SNRK: variants seen among roughly 807,000 people sequenced by gnomAD.
SNRK encodes SNF related kinase.
A neutral mutation model predicts 48.2 loss-of-function variants in SNRK; 3 were observed. The observed-to-expected ratio is 0.06, with a 90% CI of 0.03 to 0.16. SNRK has a LOEUF of 0.16. Among genes scored for constraint, SNRK ranks in the 10% least tolerant of loss-of-function variants. SNRK has a pLI of 1.00. For missense variants in SNRK, 627 were observed against 976.0 expected, an observed-to-expected ratio of 0.64 and a Z score of 4.76; for synonymous variants, 376 against 366.1, an observed-to-expected ratio of 1.03 and a Z score of -0.31.
chr3:43,288,885 G>T lies in SNRK; in HGVS notation c.-169+2210G>T, dbSNP rs185936587. Among the ~76,000 whole-genome samples the T allele has an allele frequency of 2.5e-4, 38 of 152,340 alleles. 1 individual carries two copies. Among genetic ancestry groups the T allele is most frequent in the Non-Finnish European group, 2.9e-5 (2 of 68,022 alleles). ...ATTCAGAATTTAGGTATTTCCCAGT[G>T]TGTATCTATGTGCAGGTAAACTTAG... On this transcript the variant is annotated intron_variant, in intron 1 of 6. Transcript: ENST00000296088.
At chr3:43,306,701 A>G (rs946934901) in intron 3 of SNRK, among the ~76,000 whole-genome samples, 3 of 152,184 alleles carry the variant, frequency 2.0e-5, no homozygotes, top group Non-Finnish European at 4.4e-5. Flanking sequence ...TTAATGCTAT[A>G]TGATGCCCTC....
At chr3:43,290,926 C>G (rs1023610443) in intron 1 of SNRK, among the ~76,000 whole-genome samples, 11 of 152,152 alleles carry the variant, frequency 7.2e-5, no homozygotes, top group Non-Finnish European at 1.5e-4. Context: ...AGATTATTAA[C>G]CACACAGTCA....
rs75243238 is a variant in SNRK, at chr3:43,322,549, A to G, written c.590-9620A>G. The stretch of plus-strand genomic sequence containing the variant: ...ACAAACTCCCCTATAGACAAATGAA[A>G]AGAAAATTTATTAAAGAAGTTATGT... On this transcript the variant is annotated intron_variant, in intron 3 of 6. Coordinates refer to ENST00000296088, the MANE Select transcript of SNRK (RefSeq NM_017719.5). 3.3e-5 allele frequency among the ~76,000 whole-genome samples: 5 copies of G among 152,366 alleles called. No homozygotes were observed. In the East Asian group the frequency reaches 9.6e-4, roughly 29 times the overall value.
chr3:43,321,925 C>T (rs2091056692), intron 3 of SNRK, among the ~76,000 whole-genome samples: 3 of 152,332 alleles, frequency 2.0e-5, no homozygotes, highest in Non-Finnish European at 1.5e-5. Context: ...ACACAAAGTG[C>T]GGTGGTGCTG....
intron 3 of SNRK, among the ~76,000 whole-genome samples, chr3:43,305,007 A>T (rs1481909846): frequency 6.6e-6 from 1 of 152,160 alleles, no homozygotes; most frequent in Admixed American, 6.5e-5. Flanking sequence ...ACAAATGTCT[A>T]CCCAAGAAAA....
chr3:43,319,210 C>G (rs544403122), intron 3 of SNRK, among the ~76,000 whole-genome samples: 30 of 152,078 alleles, frequency 2.0e-4, no homozygotes, highest in African/African-American at 7.0e-4. Context: ...GATCTATTAG[C>G]CTTATATAGG....
At chr3:43,313,428 G>A (rs1327682291) in intron 3 of SNRK, among the ~76,000 whole-genome samples, 1 of 152,060 alleles carries the variant, frequency 6.6e-6, no homozygotes, top group Admixed American at 6.5e-5. Flanking sequence ...GGATTTCAAG[G>A]GGCAACAACA....
In SNRK at chr3:43,348,635, T is replaced by A. The variant is rs946893222; in HGVS notation, c.*78T>A. ...GGCTCACTTCACTGTTCCATTTGGT[T>A]TTACTATTTTAAAGTGGGCGTTAGG... On this transcript the variant is annotated 3_prime_UTR_variant, in exon 7 of 7. Transcript: ENST00000296088. 68 of 1,388,452 alleles carry A rather than the reference T, an allele frequency of 4.9e-5. No individual in the cohort carries two copies. Among genetic ancestry groups the A allele is most frequent in the Non-Finnish European group, 6.0e-5 (64 of 1,070,594 alleles). The allele number at this position is 1,388,452 out of a possible 1,614,324, so 86.0% of individuals were successfully genotyped here.
At chr3:43,308,335 G>A (rs1443501423) in intron 3 of SNRK, among the ~76,000 whole-genome samples, 1 of 152,204 alleles carries the variant, frequency 6.6e-6, no homozygotes, top group Non-Finnish European at 1.5e-5. Context: ...AACTAAAACA[G>A]CCTTCTATTG....
chr3:43,343,047 A>ATTT (rs1407781912), intron 5 of SNRK, among the ~76,000 whole-genome samples: 1 of 5,720 alleles, frequency 1.7e-4, no homozygotes, highest in African/African-American at 2.0e-4. Context: ...TAATGCGTGC[A>ATTT]CTTATCTTAT....
At chr3:43,325,019 A>T (rs1210463736) in intron 3 of SNRK, among the ~76,000 whole-genome samples, 1 of 152,230 alleles carries the variant, frequency 6.6e-6, no homozygotes, top group African/African-American at 2.4e-5. Context: ...TTGTTTCATT[A>T]AACTTTCTTT....
At chr3:43,309,404 C>T (rs552914807) in intron 3 of SNRK, among the ~76,000 whole-genome samples, 9 of 152,162 alleles carry the variant, frequency 5.9e-5, no homozygotes, top group Admixed American at 3.3e-4. Flanking sequence ...AACAGTGTTG[C>T]ATGCTAGAGA....
Position 43,303,214 on chromosome 3 carries a change from T to G in SNRK, c.11T>G (p.Phe4Cys), listed in dbSNP as rs1249430769. 6.2e-7 allele frequency: 1 copy of G among 1,612,320 alleles called. No homozygotes were observed. Residue 4 changes from phenylalanine (F) to cysteine (C), a missense_variant, in exon 3 of 7, where the codon TTT becomes TGT. Physicochemically the swap from Phe to Cys is radical, Grantham distance 205. Coordinates refer to ENST00000296088, the MANE Select transcript of SNRK (RefSeq NM_017719.5). This position sits in a 1 kb window ranked among gnomAD's most constrained non-coding sequence, Gnocchi z 6.2. ...TTCTGTTGGACCAGCATGGCAGGAT[T>G]TAAGCGAGGGTATGATGGAAAGATT... MAG[F>C]KRGYDGKIAG...
chr3:43,291,797 T>G (rs1040324845), intron 1 of SNRK, among the ~76,000 whole-genome samples: 2 of 152,192 alleles, frequency 1.3e-5, no homozygotes, highest in African/African-American at 4.8e-5. Context: ...GTGAAGATAA[T>G]AAGAAAAGTT....
At chr3:43,313,365 G>A (rs2090992618) in intron 3 of SNRK, among the ~76,000 whole-genome samples, 1 of 152,098 alleles carries the variant, frequency 6.6e-6, no homozygotes, top group African/African-American at 2.4e-5. Flanking sequence ...TTCATACCAT[G>A]GAATACTATG....
At chr3:43,338,886 A>G (rs1428357595) in intron 4 of SNRK, among the ~76,000 whole-genome samples, 4 of 152,148 alleles carry the variant, frequency 2.6e-5, no homozygotes, top group Non-Finnish European at 1.5e-5. Context: ...TTCCCTGGCT[A>G]TATTATTTTC....
At chr3:43,321,411 T>A (rs1180188247) in intron 3 of SNRK, among the ~76,000 whole-genome samples, 3 of 152,140 alleles carry the variant, frequency 2.0e-5, no homozygotes, top group Non-Finnish European at 4.4e-5. Flanking sequence ...AGTTTTTGAG[T>A]TGTCCTAAAC....
chr3:43,347,819 T>A lies in SNRK; in HGVS notation c.1560T>A (p.Gly520=). ...SRLKMNIASP[G]TVHKRYHRRK... is the part of the protein sequence containing the mutation. Reference sequence around the variant, plus strand: ...TAAAGATGAATATAGCTTCTCCAGGTACAGTTCACAAACGCTACCACCGGA... The same window carrying A: ...TAAAGATGAATATAGCTTCTCCAGGAACAGTTCACAAACGCTACCACCGGA... The change falls in exon 7 of 7, where the codon GGT becomes GGA. Residue 520 remains glycine, a synonymous_variant. Coordinates refer to ENST00000296088, the MANE Select transcript of SNRK (RefSeq NM_017719.5). This position sits in a 1 kb window ranked among gnomAD's most constrained non-coding sequence, Gnocchi z 5.4. The A allele has an allele frequency of 6.2e-7, 1 of 1,614,098 alleles. No individual in the cohort carries two copies. Among genetic ancestry groups the A allele is most frequent in the Non-Finnish European group, 8.5e-7 (1 of 1,180,016 alleles).
intron 3 of SNRK, among the ~76,000 whole-genome samples, chr3:43,331,292 T>C (rs1401533369): frequency 1.3e-5 from 2 of 152,252 alleles, no homozygotes; most frequent in Non-Finnish European, 2.9e-5. Flanking sequence ...AAATTTTTTT[T>C]CATCTGAACA....
Sources: allele counts gnomAD v4.1 joint callset (sites outside exome capture counted in the v4.1 genomes callset), GRCh38; gene constraint gnomAD v4.1.1; non-coding constraint Gnocchi (gnomAD v3.1); transcripts MANE v1.5; gene names NCBI Gene and HGNC (gene_info 2026-07-23, HGNC 2026-07-21).